Variants in ACP3 observed in about 807,000 individuals in gnomAD.
ACP3 encodes the protein acid phosphatase 3.
ACP3 carries 38 observed loss-of-function variants against 45.6 expected under a neutral mutation model. That is an observed-to-expected ratio of 0.83 (90% confidence interval 0.64 to 1.09). ACP3 has a LOEUF of 1.09. Ranked by LOEUF, ACP3 falls within the 50% of genes least tolerant of loss-of-function variation. The pLI, the probability that ACP3 is intolerant of heterozygous loss-of-function variation, is 0.00. For synonymous variants in ACP3, 162 were observed against 164.7 expected, an observed-to-expected ratio of 0.98 and a Z score of 0.13; for missense variants, 466 against 463.2, an observed-to-expected ratio of 1.01 and a Z score of -0.05.
At chr3:132,366,512 A>G (rs2107825797) in intron 10 of ACP3, among the ~76,000 whole-genome samples, 1 of 152,276 alleles carries the variant, frequency 6.6e-6, no homozygotes, top group South Asian at 2.1e-4. Flanking sequence ...GAGTTAAAGA[A>G]GACTCCAAGA....
At chr3:132,320,240 T>C (rs1937181053) in intron 1 of ACP3, among the ~76,000 whole-genome samples, 1 of 152,142 alleles carries the variant, frequency 6.6e-6, no homozygotes, top group Admixed American at 6.5e-5. Flanking sequence ...CCTCTTTTTT[T>C]CCCCAATGTC....
intron 1 of ACP3, among the ~76,000 whole-genome samples, chr3:132,322,735 G>T (rs1576406643): frequency 3.3e-5 from 5 of 152,218 alleles, no homozygotes; most frequent in Admixed American, 3.3e-4. Context: ...GCTACAATTT[G>T]AATGTTTGTC....
chr3:132,322,611 T>G (rs1243568639), intron 1 of ACP3, among the ~76,000 whole-genome samples: 1 of 152,244 alleles, frequency 6.6e-6, no homozygotes, highest in African/African-American at 2.4e-5. Context: ...TTTTATGATG[T>G]GTCTCCAATT....
chr3:132,361,968 C>T (rs1215505282), downstream of ACP3, among the ~76,000 whole-genome samples: 1 of 152,144 alleles, frequency 6.6e-6, no homozygotes, highest in Non-Finnish European at 1.5e-5. Flanking sequence ...CCCAAATATC[C>T]TCTCATCAAA....
intron 8 of ACP3, among the ~76,000 whole-genome samples, chr3:132,350,236 C>A (rs983711337): frequency 1.3e-5 from 2 of 152,164 alleles, no homozygotes; most frequent in African/African-American, 4.8e-5. Context: ...ACCATGCAGG[C>A]AAGTGCTATG....
intron 1 of ACP3, among the ~76,000 whole-genome samples, chr3:132,323,660 C>A (rs1445077036): frequency 6.6e-6 from 1 of 152,028 alleles, no homozygotes; most frequent in African/African-American, 2.4e-5. Context: ...GAGCAAAGGC[C>A]CTGAGGCTTC....
chr3:132,320,265 G>C lies in ACP3; in HGVS notation c.120+2689G>C, dbSNP rs576683559. On this transcript the variant is annotated intron_variant, in intron 1 of 9. Coordinates refer to ENST00000336375, the MANE Select transcript of ACP3 (RefSeq NM_001099.5). The stretch of plus-strand genomic sequence containing the variant: ...TCCCCAATGTCCTGTAGAAAACACT[G>C]AGAGAACTGACATTTTTAACTTTAT... Among the ~76,000 whole-genome samples, 3 of 152,224 alleles carry C rather than the reference G, an allele frequency of 2.0e-5. No homozygotes were observed. The East Asian group carries it at 5.8e-4, about 29-fold the overall frequency.
chr3:132,332,891 G>A (rs545402796), intron 4 of ACP3, among the ~76,000 whole-genome samples: 23 of 152,262 alleles, frequency 1.5e-4, no homozygotes, highest in Non-Finnish European at 2.6e-4. Context: ...TATAGTGAGG[G>A]AAATAAGTGC....
At chr3:132,342,236 G>A (rs916157236) in intron 5 of ACP3, among the ~76,000 whole-genome samples, 3 of 152,204 alleles carry the variant, frequency 2.0e-5, no homozygotes, top group Non-Finnish European at 4.4e-5. Flanking sequence ...ATCAATTCGT[G>A]TTTGTAAAAT....
downstream of ACP3, among the ~76,000 whole-genome samples, chr3:132,363,143 C>A (rs1000400128): frequency 2.0e-5 from 3 of 152,060 alleles, no homozygotes; most frequent in African/African-American, 7.2e-5. Context: ...TACGCGCTCA[C>A]CTGAGTCTTT....
At chr3:132,356,534 C>A (rs1370266725) in intron 9 of ACP3, 152 bp from the exon 10 acceptor site, 1 of 1,417,146 alleles carries the variant, frequency 7.1e-7, no homozygotes, top group Admixed American at 2.3e-5. Context: ...GCCCCAGTCT[C>A]CCCATTTACA....
downstream of ACP3, among the ~76,000 whole-genome samples, chr3:132,363,047 C>T (rs1048969838): frequency 2.0e-5 from 3 of 152,034 alleles, no homozygotes; most frequent in African/African-American, 7.3e-5. Flanking sequence ...CTGGCAAACT[C>T]CTGAAATATT....
At chr3:132,320,041 TG>T (rs1167664395) in intron 1 of ACP3, among the ~76,000 whole-genome samples, 82 of 152,184 alleles carry the variant, frequency 5.4e-4, no homozygotes, top group Non-Finnish European at 1.0e-3. Flanking sequence ...CAGGTGTACA[TG>T]GGGAAAAAAT....
chr3:132,366,176 C>A (rs1335445882), intron 10 of ACP3, among the ~76,000 whole-genome samples: 2 of 151,722 alleles, frequency 1.3e-5, no homozygotes, highest in Non-Finnish European at 2.9e-5. Flanking sequence ...AGGTGCATGC[C>A]TGTATTCCCA....
intron 8 of ACP3, among the ~76,000 whole-genome samples, chr3:132,352,111 T>A (rs560014340): frequency 5.3e-5 from 8 of 152,290 alleles, no homozygotes; most frequent in Admixed American, 2.0e-4. Flanking sequence ...TGATTCAAAT[T>A]TACTTTCTTC....
At chr3:132,335,941 G>A (rs1286529911) in intron 4 of ACP3, among the ~76,000 whole-genome samples, 5 of 144,794 alleles carry the variant, frequency 3.5e-5, no homozygotes, top group African/African-American at 5.8e-5. Context: ...TGATCTGATC[G>A]ATACTTTAAA....
intron 1 of ACP3, among the ~76,000 whole-genome samples, chr3:132,323,807 T>C (rs886948543): frequency 2.0e-5 from 3 of 152,238 alleles, no homozygotes; most frequent in African/African-American, 7.2e-5. Flanking sequence ...CTTTAATTTA[T>C]GCAAAGAGCA....
intron 7 of ACP3, 88 bp from the exon 8 acceptor site, chr3:132,349,832 T>G (rs1576423809): frequency 1.2e-6 from 1 of 836,274 alleles, no homozygotes; most frequent in Admixed American, 2.0e-5. Context: ...GCAGGGAGAG[T>G]CCGCAACTAT....
chr3:132,361,203 C>T (rs1181790747), downstream of ACP3, among the ~76,000 whole-genome samples: 1 of 152,144 alleles, frequency 6.6e-6, no homozygotes, highest in Non-Finnish European at 1.5e-5. Flanking sequence ...TCAGTGATAT[C>T]CCTTGTTCAA....
Sources: gnomAD v4.1 joint callset for allele counts (sites outside exome capture counted in the v4.1 genomes callset) on GRCh38, gnomAD v4.1.1 for gene constraint, MANE v1.5 for transcripts, NCBI Gene and HGNC (gene_info 2026-07-23, HGNC 2026-07-21) for gene names.